NDUFB6: variants seen among roughly 807,000 people sequenced by gnomAD.
NDUFB6 encodes the protein NADH dehydrogenase [ubiquinone] 1 beta subcomplex subunit 6.
A neutral mutation model predicts 17.5 loss-of-function variants in NDUFB6; 23 were observed. The observed-to-expected ratio is 1.31, with a 90% CI of 0.94 to 1.86. The LOEUF is 1.86. Ranked by LOEUF, NDUFB6 falls within the 40% of genes most tolerant of loss-of-function variation. NDUFB6 has a pLI of 0.00. For synonymous variants in NDUFB6, 60 were observed against 53.5 expected (o/e 1.12, Z -0.53); for missense variants, 167 against 153.8 (o/e 1.09, Z -0.46).
chr9:32,569,555 C>G (rs1821894638), intron 2 of NDUFB6, among the ~76,000 whole-genome samples: 1 of 152,222 alleles, frequency 6.6e-6, no homozygotes, highest in African/African-American at 2.4e-5. Context: ...AACCTGGCAC[C>G]TAGGCCAGAG....
chr9:32,559,801 T>G (rs1030332324), intron 2 of NDUFB6, among the ~76,000 whole-genome samples: 1 of 149,228 alleles, frequency 6.7e-6, no homozygotes, highest in Admixed American at 6.6e-5. Flanking sequence ...GTTTATATAT[T>G]TATTACCAGT....
chr9:32,566,704 A>T, intron 2 of NDUFB6: 1 of 842,150 alleles, frequency 1.2e-6, no homozygotes, highest in African/African-American at 1.7e-5. Flanking sequence ...AGATAGCCAG[A>T]CTTATTCCAA....
At chr9:32,557,308 C>T (rs1379890396) in intron 3 of NDUFB6, among the ~76,000 whole-genome samples, 2 of 148,540 alleles carry the variant, frequency 1.3e-5, no homozygotes, top group African/African-American at 2.5e-5. Context: ...GGATTACAGG[C>T]GTGCACCACC....
At chr9:32,570,305 A>G (rs1187950964) in intron 2 of NDUFB6, among the ~76,000 whole-genome samples, 1 of 152,088 alleles carries the variant, frequency 6.6e-6, no homozygotes, top group Non-Finnish European at 1.5e-5. Context: ...TGGTATACGA[A>G]TGCCCTCCTC....
At chr9:32,567,391 C>T (rs752405779) in intron 2 of NDUFB6, 7 of 464,496 alleles carry the variant, frequency 1.5e-5, no homozygotes, top group East Asian at 1.4e-4. Flanking sequence ...GGCAGTGGTG[C>T]GATCTTGGCT....
intron 3 of NDUFB6, 29 bp downstream of exon 3, chr9:32,558,881 A>G (rs765794502): frequency 2.8e-6 from 4 of 1,446,180 alleles, no homozygotes; most frequent in East Asian, 4.6e-5. Flanking sequence ...ACAATAAACA[A>G]AAGAAAAATC....
chr9:32,565,078 A>C (rs1821742305), intron 2 of NDUFB6, among the ~76,000 whole-genome samples: 1 of 152,110 alleles, frequency 6.6e-6, no homozygotes, highest in Non-Finnish European at 1.5e-5. Context: ...AGATCACTTG[A>C]GGTCAGGAGT....
chr9:32,557,094 G>A (rs1264440279), intron 3 of NDUFB6, among the ~76,000 whole-genome samples: 3 of 150,648 alleles, frequency 2.0e-5, no homozygotes, highest in Non-Finnish European at 4.4e-5. Flanking sequence ...CTGACCTCAG[G>A]TGATCCACCT....
chr9:32,560,198 CAAGAGA>C (rs1821587217), intron 2 of NDUFB6, among the ~76,000 whole-genome samples: 1 of 152,164 alleles, frequency 6.6e-6, no homozygotes, highest in Non-Finnish European at 1.5e-5. Context: ...CTACCAAAAT[CAAGAGA>C]AAAAGTAAGG....
At chr9:32,567,680 G>C (rs771289163) in intron 2 of NDUFB6, 1 of 339,622 alleles carries the variant, frequency 2.9e-6, no homozygotes, top group African/African-American at 2.2e-5. Flanking sequence ...TGCACTCAGT[G>C]ATTTTTGATG....
At chr9:32,563,414 T>C (rs1477733228) in intron 2 of NDUFB6, among the ~76,000 whole-genome samples, 1 of 151,318 alleles carries the variant, frequency 6.6e-6, no homozygotes, top group Non-Finnish European at 1.5e-5. Context: ...AGCACAATCA[T>C]AGCTCATTGC....
At chr9:32,565,121 C>G (rs538284958) in intron 2 of NDUFB6, among the ~76,000 whole-genome samples, 1 of 152,100 alleles carries the variant, frequency 6.6e-6, no homozygotes, top group East Asian at 1.9e-4. Context: ...GGCAAAACCT[C>G]ATCTCTGCTA....
At position 32,561,747 on chromosome 9, in the gene NDUFB6, A is replaced by G. The variant is rs147666901; in HGVS notation, c.274-2793T>C. Among the ~76,000 whole-genome samples the G allele has an allele frequency of 4.3e-3, 658 of 152,192 alleles. 6 individuals are homozygous for G. The highest frequency in any genetic ancestry group is 0.015 in the African/African-American group (611 of 41,518). ...ACTGTGAACTTTGGTTTTATCCCCA[A>G]CTTAATCAACCACCAACTTCAGGTG... is the stretch of plus-strand genomic sequence containing the variant. On this transcript the variant is annotated intron_variant, in intron 2 of 3. Transcript: ENST00000379847.
rs540892602 is a variant in NDUFB6, at chr9:32,557,231, C to T, written c.318+1679G>A. ...CCAGGCTGGAGTGCAGTGGCGCAAA[C>T]TCCGCACACTGCAACTTCTGCCTTC... On this transcript the variant is annotated intron_variant, in intron 3 of 3. Transcript: ENST00000379847. 2.5e-3 allele frequency among the ~76,000 whole-genome samples: 373 copies of T among 149,378 alleles called. 3 individuals are homozygous for T. The highest frequency in any genetic ancestry group is 8.7e-3 in the African/African-American group (354 of 40,554).
intron 2 of NDUFB6, among the ~76,000 whole-genome samples, chr9:32,570,123 TTG>T: frequency 6.6e-6 from 1 of 152,292 alleles, no homozygotes; most frequent in South Asian, 2.1e-4. Flanking sequence ...TTCTGACATC[TTG>T]CTCTGAGTTA....
At chr9:32,560,474 T>C (rs1821595008) in intron 2 of NDUFB6, among the ~76,000 whole-genome samples, 1 of 152,254 alleles carries the variant, frequency 6.6e-6, no homozygotes, top group Non-Finnish European at 1.5e-5. Context: ...TGTGTCAACT[T>C]TTAAAAGTTC....
chr9:32,566,128 G>T, intron 2 of NDUFB6: 1 of 563,606 alleles, frequency 1.8e-6, no homozygotes, highest in South Asian at 2.6e-5. Context: ...GAACAAAGAC[G>T]AGAATATGGT....
At chr9:32,563,400 G>A (rs1158176475) in intron 2 of NDUFB6, among the ~76,000 whole-genome samples, 2 of 151,234 alleles carry the variant, frequency 1.3e-5, no homozygotes, top group Non-Finnish European at 2.9e-5. Context: ...GGAGTACAGT[G>A]GGCAGCACAA....
chr9:32,572,870 C>T lies in NDUFB6; in HGVS notation c.180+11G>A, dbSNP rs1475231140. The T allele has an allele frequency of 6.4e-7, 1 of 1,562,694 alleles. No individual in the cohort carries two copies. On this transcript the variant is annotated intron_variant, in intron 1 of 3. Coordinates refer to ENST00000379847, the MANE Select transcript of NDUFB6 (RefSeq NM_002493.5). ...ATGTGTTGGGGGGGACCGGAGAGGT[C>T]TGTCACTCACCATTTTCCTCCAAGG...
Sources: allele counts gnomAD v4.1 joint callset (sites outside exome capture counted in the v4.1 genomes callset), GRCh38; gene constraint gnomAD v4.1.1; transcripts MANE v1.5; gene names NCBI Gene and HGNC (gene_info 2026-07-23, HGNC 2026-07-21).